Variants in SLC6A6 observed in about 807,000 individuals in gnomAD.
SLC6A6 encodes sodium- and chloride-dependent taurine transporter.
In SLC6A6, 16 loss-of-function variants were observed where a neutral mutation model predicts 68.8. The observed-to-expected ratio is 0.23, with a 90% CI of 0.16 to 0.35. The LOEUF (loss-of-function observed/expected upper bound fraction) is 0.35, where lower values mean the gene tolerates loss of function less well. Among genes scored for constraint, SLC6A6 ranks in the 10% least tolerant of loss-of-function variants. The pLI, the probability that SLC6A6 is intolerant of heterozygous loss-of-function variation, is 1.00. For synonymous variants in SLC6A6, 312 were observed against 315.4 expected, an observed-to-expected ratio of 0.99 and a Z score of 0.12; for missense variants, 474 against 802.8, an observed-to-expected ratio of 0.59 and a Z score of 4.95.
At chr3:14,415,768 C>T (rs1182514529) in intron 1 of SLC6A6, among the ~76,000 whole-genome samples, 1 of 152,266 alleles carries the variant, frequency 6.6e-6, no homozygotes, top group South Asian at 2.1e-4. Context: ...CTGCTTGGCT[C>T]AGCAAAGCTC....
Position 14,485,176 on chromosome 3 carries a change from G to GTGTA in SLC6A6, c.*170_*171insGTAT. 4.1e-6 allele frequency: 2 copies of GTGTA among 482,672 alleles called. No homozygotes were observed. The highest frequency in any genetic ancestry group is 1.9e-5 in the African/African-American group (1 of 51,408). The allele number at this position is 482,672 out of a possible 1,614,324, so 29.9% of individuals were successfully genotyped here. A position where few individuals can be genotyped will look rare whatever the true frequency, so the allele number is the denominator to read the frequency against. On this transcript the variant is annotated 3_prime_UTR_variant, in exon 15 of 15. Transcript: ENST00000622186. ...TGTGCGTGCGTGTGTGTGTGTGTGT[G>GTGTA]TATCGTGTGTGTGTGTTTTGTTTTG...
intron 2 of SLC6A6, among the ~76,000 whole-genome samples, chr3:14,423,076 C>T (rs560300014): frequency 2.0e-5 from 3 of 152,208 alleles, no homozygotes; most frequent in Admixed American, 6.5e-5. Flanking sequence ...GTCAAGGGGG[C>T]AAGGTGGGAA....
At chr3:14,433,677 A>C (rs1404481211) in intron 2 of SLC6A6, among the ~76,000 whole-genome samples, 1 of 151,550 alleles carries the variant, frequency 6.6e-6, no homozygotes, top group Non-Finnish European at 1.5e-5. Context: ...GGTGGCAGGC[A>C]CCTGTAATCC....
intron 5 of SLC6A6, among the ~76,000 whole-genome samples, chr3:14,456,797 A>G (rs1431964688): frequency 1.3e-5 from 2 of 152,218 alleles, no homozygotes; most frequent in Non-Finnish European, 2.9e-5. Flanking sequence ...ACCTTCAGAC[A>G]GGGAGCTGAC....
At chr3:14,423,323 G>GTGTGAGACACTCACACATGAATGT (rs1201581475) in intron 2 of SLC6A6, among the ~76,000 whole-genome samples, 2 of 152,202 alleles carry the variant, frequency 1.3e-5, no homozygotes, top group South Asian at 4.1e-4. Context: ...CCTGGGATGA[G>GTGTGAGACACTCACACATGAATGT]TGTGAGACAC....
intron 2 of SLC6A6, among the ~76,000 whole-genome samples, chr3:14,438,051 G>A (rs1260263310): frequency 6.9e-6 from 1 of 145,806 alleles, no homozygotes; most frequent in Admixed American, 7.0e-5. Context: ...TACCATGTTG[G>A]CCAGGCTGGT....
intron 9 of SLC6A6, among the ~76,000 whole-genome samples, chr3:14,471,309 C>T (rs1445330772): frequency 6.6e-6 from 1 of 152,078 alleles, no homozygotes; most frequent in African/African-American, 2.4e-5. Context: ...TCAGAGACAT[C>T]CCCTGAGCTG....
chr3:14,407,936 A>T (rs1699147018), intron 1 of SLC6A6, among the ~76,000 whole-genome samples: 1 of 148,702 alleles, frequency 6.7e-6, no homozygotes, highest in Admixed American at 6.8e-5. Context: ...TGTGCTGTTG[A>T]GTATATCAGG....
At chr3:14,426,264 C>G (rs533220218) in intron 2 of SLC6A6, among the ~76,000 whole-genome samples, 113 of 152,316 alleles carry the variant, frequency 7.4e-4, no homozygotes, top group African/African-American at 2.5e-3. Flanking sequence ...CCTGGCTGTG[C>G]AACCTCGGTC....
chr3:14,447,267 A>T (rs530009085), intron 4 of SLC6A6, among the ~76,000 whole-genome samples: 53 of 122,512 alleles, frequency 4.3e-4, no homozygotes, highest in Admixed American at 1.7e-3. Flanking sequence ...CATCCATCCA[A>T]ACATCCAACC....
Position 14,477,477 on chromosome 3 carries a change from CT to C in SLC6A6, c.1347+137del. The C allele has an allele frequency of 1.2e-6, 1 of 863,636 alleles. No individual in the cohort carries two copies. The highest frequency in any genetic ancestry group is 1.8e-6 in the Non-Finnish European group (1 of 545,808). The allele number at this position is 863,636 out of a possible 1,614,324, so 53.5% of individuals were successfully genotyped here. On this transcript the variant is annotated intron_variant, in intron 11 of 14. Transcript: ENST00000622186. The surrounding 1 kb of genome is among the most constrained non-coding windows in gnomAD (Gnocchi z 4.2). ...AGCCCCACCCAATTCAGGGGTCCTG[CT>C]TGGACCAACACTGGGGGTAGCACGA...
rs1038037503 is a variant in SLC6A6, at chr3:14,445,596, C to G, written c.230-121C>G. The G allele has an allele frequency of 2.6e-6, 3 of 1,136,994 alleles. No individual in the cohort carries two copies. In the African/African-American group the frequency reaches 4.6e-5, roughly 17 times the overall value. The allele number at this position is 1,136,994 out of a possible 1,614,324, so 70.4% of individuals were successfully genotyped here. A position where few individuals can be genotyped will look rare whatever the true frequency, so the allele number is the denominator to read the frequency against. On this transcript the variant is annotated intron_variant, in intron 3 of 14. Transcript: ENST00000622186. Reference sequence around the variant, plus strand: ...TTTCCCACCAGGTCCAAGAGTTTGGCCTTGAGCCTCATGCCCCTCATGCAT... The same window carrying G: ...TTTCCCACCAGGTCCAAGAGTTTGGGCTTGAGCCTCATGCCCCTCATGCAT...
At chr3:14,438,480 AG>A (rs1484543850) in intron 2 of SLC6A6, among the ~76,000 whole-genome samples, 1 of 152,170 alleles carries the variant, frequency 6.6e-6, no homozygotes, top group Admixed American at 6.5e-5. Context: ...GGGCGGGGCA[AG>A]GGGTCCAGCC....
rs2124998832 is a variant in SLC6A6 at position 14,481,006 on chromosome 3, A to G, written c.1552-665A>G. Among the ~76,000 whole-genome samples the G allele has an allele frequency of 6.6e-6, 1 of 152,332 alleles. No individual in the cohort carries two copies. The highest frequency in any genetic ancestry group is 1.5e-5 in the Non-Finnish European group (1 of 68,026). ...CTCAGAGATAGACATGGAGGGTGGC[A>G]GTGGGGGAAGAAAGGCTTTCATCTA... is the stretch of plus-strand genomic sequence containing the variant. On this transcript the variant is annotated intron_variant, in intron 13 of 14. Coordinates refer to ENST00000622186, the MANE Select transcript of SLC6A6 (RefSeq NM_003043.6). This position sits in a 1 kb window ranked among gnomAD's most constrained non-coding sequence, Gnocchi z 4.7.
At chr3:14,426,044 G>A (rs980883563) in intron 2 of SLC6A6, among the ~76,000 whole-genome samples, 20 of 152,292 alleles carry the variant, frequency 1.3e-4, no homozygotes, top group Admixed American at 2.6e-4. Flanking sequence ...GCTGCCACCC[G>A]GTCCGTGAAA....
At chr3:14,467,477 T>A (rs2124980768) in intron 7 of SLC6A6, among the ~76,000 whole-genome samples, 1 of 152,214 alleles carries the variant, frequency 6.6e-6, no homozygotes, top group East Asian at 1.9e-4. Flanking sequence ...ATCGCCACTC[T>A]TTGAACCTGG....
In SLC6A6 at chr3:14,478,450, G is replaced by T. The variant is rs754537205; in HGVS notation, c.1348-16G>T. 6 of 1,570,550 alleles carry T rather than the reference G, an allele frequency of 3.8e-6. No individual in the cohort carries two copies. The highest frequency in any genetic ancestry group is 4.4e-6 in the Non-Finnish European group (5 of 1,142,174). On this transcript the variant is annotated splice_polypyrimidine_tract_variant and intron_variant, in intron 11 of 14. Transcript: ENST00000622186. Reference sequence around the variant, plus strand: ...CCAGGTAGGAAATCGACCTTCTGTGGTTTTTTTCTTCACAGGGTGGCATGT... The same window carrying T: ...CCAGGTAGGAAATCGACCTTCTGTGTTTTTTTTCTTCACAGGGTGGCATGT...
At position 14,468,337 on chromosome 3, in the gene SLC6A6, C is replaced by G. The variant is rs551002295; in HGVS notation, c.1096+125C>G. On this transcript the variant is annotated intron_variant, in intron 9 of 14. Transcript: ENST00000622186. This position sits in a 1 kb window ranked among gnomAD's most constrained non-coding sequence, Gnocchi z 4.5. ...GACGAGCCTGGTTTCTAAAATGGACCCCCCCCCCGCCACCAAGATATCCCC... is the reference window on the plus strand; with the variant it reads ...GACGAGCCTGGTTTCTAAAATGGACGCCCCCCCCGCCACCAAGATATCCCC... 1.0e-4 allele frequency: 74 copies of G among 708,278 alleles called. No homozygotes were observed. Among genetic ancestry groups the G allele is most frequent in the Non-Finnish European group, 1.7e-5 (8 of 461,138 alleles). The allele number at this position is 708,278 out of a possible 1,614,324, so 43.9% of individuals were successfully genotyped here. A position where few individuals can be genotyped will look rare whatever the true frequency, so the allele number is the denominator to read the frequency against.
intron 6 of SLC6A6, among the ~76,000 whole-genome samples, chr3:14,459,161 G>A (rs947626759): frequency 5.9e-5 from 9 of 152,130 alleles, no homozygotes; most frequent in Non-Finnish European, 8.8e-5. Flanking sequence ...CCCTGTCAAC[G>A]CTTTCCCCAG....
Sources: allele counts gnomAD v4.1 joint callset (sites outside exome capture counted in the v4.1 genomes callset), GRCh38; gene constraint gnomAD v4.1.1; non-coding constraint Gnocchi (gnomAD v3.1); transcripts MANE v1.5; gene names NCBI Gene and HGNC (gene_info 2026-07-23, HGNC 2026-07-21).